PRKAG2: variants seen among roughly 807,000 people sequenced by gnomAD.
PRKAG2 encodes 5'-AMP-activated protein kinase subunit gamma-2.
In PRKAG2, 26 loss-of-function variants were observed where a neutral mutation model predicts 69.6. That is an observed-to-expected ratio of 0.37 (90% CI 0.27 to 0.52). PRKAG2 has a LOEUF of 0.52. Among genes scored for constraint, PRKAG2 ranks in the 20% least tolerant of loss-of-function variants. PRKAG2 has a pLI of 0.90. For synonymous variants in PRKAG2, 293 were observed against 285.0 expected, an observed-to-expected ratio of 1.03 and a Z score of -0.28; for missense variants, 557 against 740.0, an observed-to-expected ratio of 0.75 and a Z score of 2.87.
intron 1 of PRKAG2, among the ~76,000 whole-genome samples, chr7:151,857,171 G>A (rs2079802769): frequency 6.6e-6 from 1 of 150,996 alleles, no homozygotes; most frequent in South Asian, 2.1e-4. Flanking sequence ...TAAGGGATGG[G>A]CACAGAACGC....
intron 5 of PRKAG2, among the ~76,000 whole-genome samples, chr7:151,604,450 A>G (rs1816990344): frequency 6.6e-6 from 1 of 152,136 alleles, no homozygotes; most frequent in African/African-American, 2.4e-5. Context: ...CAGCCTGGGC[A>G]ACATAGTGAG....
In PRKAG2 at chr7:151,873,219, C is replaced by T. The variant is rs1375293775; in HGVS notation, c.114+3288G>A. Among the ~76,000 whole-genome samples, 4 of 152,204 alleles carry T rather than the reference C, an allele frequency of 2.6e-5. No homozygotes were observed. The South Asian group carries it at 6.2e-4, about 24-fold the overall frequency. On this transcript the variant is annotated intron_variant, in intron 1 of 15. Coordinates refer to ENST00000287878, the MANE Select transcript of PRKAG2 (RefSeq NM_016203.4). ...TCACCTGGAAGCAGCCATCCCCTCCCGCCCGATTCTGTGGGGTGCTCCCAC... is the reference window on the plus strand; with the variant it reads ...TCACCTGGAAGCAGCCATCCCCTCCTGCCCGATTCTGTGGGGTGCTCCCAC...
At chr7:151,761,230 T>A (rs2151757701) in intron 3 of PRKAG2, among the ~76,000 whole-genome samples, 1 of 152,218 alleles carries the variant, frequency 6.6e-6, no homozygotes, top group Admixed American at 6.5e-5. Context: ...TTCCCCAAAC[T>A]AAAACACCAT....
In PRKAG2 at chr7:151,835,446, G is replaced by A. The variant is rs1306538143; in HGVS notation, c.114+41061C>T. ...TTGGCTCAAGTGATCCTCCCACCTC[G>A]GCCCCACAAAGTGCTGGGATTACAG... On this transcript the variant is annotated intron_variant, in intron 1 of 15. Transcript: ENST00000287878. This position sits in a 1 kb window ranked among gnomAD's most constrained non-coding sequence, Gnocchi z 4.1. 6.6e-6 allele frequency among the ~76,000 whole-genome samples: 1 copy of A among 151,800 alleles called. No homozygotes were observed. The highest frequency in any genetic ancestry group is 2.4e-5 in the African/African-American group (1 of 41,332).
At chr7:151,664,911 T>C (rs77554791) in intron 4 of PRKAG2, among the ~76,000 whole-genome samples, 1,556 of 152,300 alleles carry the variant, frequency 0.01, 27 homozygotes, top group African/African-American at 0.036. Context: ...ATGCAGATTT[T>C]ATCTTGAGAA....
intron 4 of PRKAG2, among the ~76,000 whole-genome samples, chr7:151,650,204 G>A (rs1828252370): frequency 6.6e-6 from 1 of 151,878 alleles, no homozygotes; most frequent in African/African-American, 2.4e-5. Flanking sequence ...GACAGAGTGA[G>A]AGAGCCTGTC....
intron 7 of PRKAG2, among the ~76,000 whole-genome samples, chr7:151,575,576 A>C (rs568615978): frequency 9.0e-4 from 137 of 152,370 alleles, no homozygotes; most frequent in South Asian, 3.5e-3. Flanking sequence ...TGTAAGTTAC[A>C]CAACAGTTTT....
At chr7:151,673,148 C>T (rs1253308267) in intron 4 of PRKAG2, among the ~76,000 whole-genome samples, 2 of 152,144 alleles carry the variant, frequency 1.3e-5, no homozygotes, top group South Asian at 2.1e-4. Flanking sequence ...AAGCTGCTGC[C>T]GTCAAACATC....
Position 151,710,199 on chromosome 7 carries a change from G to C in PRKAG2, c.467-34562C>G, listed in dbSNP as rs564386290. Among the ~76,000 whole-genome samples, 21 of 152,224 alleles carry C rather than the reference G, an allele frequency of 1.4e-4. No homozygotes were observed. In the East Asian group the frequency reaches 4.1e-3, roughly 29 times the overall value. On this transcript the variant is annotated intron_variant, in intron 3 of 15. Coordinates refer to ENST00000287878, the MANE Select transcript of PRKAG2 (RefSeq NM_016203.4). ...CAGAGAGATGGCAGAGGCAGGTGGAGACTCAGGAGGCACCTCTCACTTCAG... is the reference window on the plus strand; with the variant it reads ...CAGAGAGATGGCAGAGGCAGGTGGACACTCAGGAGGCACCTCTCACTTCAG...
Position 151,796,437 on chromosome 7 carries a change from C to T in PRKAG2, c.115-9896G>A, listed in dbSNP as rs114179146. On this transcript the variant is annotated intron_variant, in intron 1 of 15. Transcript: ENST00000287878. ...ATGTCCTCCTTTGACTGTCAGGGAA[C>T]ATTCACAGTACGTGAAGGGCAATCA... Among the ~76,000 whole-genome samples the T allele has an allele frequency of 5.2e-3, 789 of 152,340 alleles. 9 individuals carry two copies. The highest frequency in any genetic ancestry group is 0.019 in the African/African-American group (770 of 41,564).
chr7:151,714,336 C>G (rs80344643), intron 3 of PRKAG2, among the ~76,000 whole-genome samples: 7,439 of 149,868 alleles, frequency 0.05, 619 homozygotes, highest in African/African-American at 0.17. Context: ...CCTCCCATCC[C>G]AGCCCTGCCA....
intron 1 of PRKAG2, among the ~76,000 whole-genome samples, chr7:151,829,015 G>C (rs148315451): frequency 6.6e-6 from 1 of 152,116 alleles, no homozygotes; most frequent in Non-Finnish European, 1.5e-5. Flanking sequence ...CGAAAGCATA[G>C]GTAACAAAAG....
intron 3 of PRKAG2, among the ~76,000 whole-genome samples, chr7:151,768,914 T>C (rs1354371371): frequency 1.3e-5 from 2 of 152,242 alleles, no homozygotes; most frequent in African/African-American, 4.8e-5. Flanking sequence ...TCATGATTCT[T>C]ACCCACTCCT....
At chr7:151,825,728 GAGCTGGACATTTGTTC>G (rs1260843103) in intron 1 of PRKAG2, among the ~76,000 whole-genome samples, 31 of 152,312 alleles carry the variant, frequency 2.0e-4, no homozygotes, top group African/African-American at 7.5e-4. Flanking sequence ...CCCATCCCCT[GAGCTGGACATTTGTTC>G]AGCAAGTCCT....
At chr7:151,690,142 T>G (rs1390949956) in intron 3 of PRKAG2, among the ~76,000 whole-genome samples, 3 of 152,130 alleles carry the variant, frequency 2.0e-5, no homozygotes, top group Non-Finnish European at 4.4e-5. Flanking sequence ...TTCAGGGCCA[T>G]GATAAAAAAT....
chr7:151,788,952 G>T lies in PRKAG2; in HGVS notation c.115-2411C>A, dbSNP rs2077143342. Among the ~76,000 whole-genome samples the T allele has an allele frequency of 1.3e-5, 2 of 152,124 alleles. No homozygotes were observed. The highest frequency in any genetic ancestry group is 2.4e-5 in the African/African-American group (1 of 41,426). On this transcript the variant is annotated intron_variant, in intron 1 of 15. Transcript: ENST00000287878. This position sits in a 1 kb window ranked among gnomAD's most constrained non-coding sequence, Gnocchi z 4.6. ...TTGGCATGACTGTGGAACGTCATTT[G>T]ACTTTATCTCTGAGAGTTTATTTCT... is the stretch of plus-strand genomic sequence containing the variant.
rs930171901 is a variant in PRKAG2 at position 151,793,924 on chromosome 7, G to C, written c.115-7383C>G. Among the ~76,000 whole-genome samples, 3 of 152,358 alleles carry C rather than the reference G, an allele frequency of 2.0e-5. No individual in the cohort carries two copies. In the East Asian group the frequency reaches 5.8e-4, roughly 29 times the overall value. The stretch of plus-strand genomic sequence containing the variant: ...AGGGCCAGTGGCCAAATCCGGGAAG[G>C]CCTAAGCTCCACTCTCAGAGAAGTT... On this transcript the variant is annotated intron_variant, in intron 1 of 15. Coordinates refer to ENST00000287878, the MANE Select transcript of PRKAG2 (RefSeq NM_016203.4).
At chr7:151,582,190 C>A (rs751211954) in intron 6 of PRKAG2, among the ~76,000 whole-genome samples, 15 of 152,138 alleles carry the variant, frequency 9.9e-5, no homozygotes, top group Non-Finnish European at 7.3e-5. Flanking sequence ...CGCTCTGTTG[C>A]CCAGGCTGGA....
chr7:151,773,017 G>T (rs1458560543), intron 3 of PRKAG2, among the ~76,000 whole-genome samples: 4 of 15,324 alleles, frequency 2.6e-4, no homozygotes, highest in African/African-American at 1.9e-3. Context: ...AAGAAAGAAA[G>T]AAAGAAAGAG....
Sources: gnomAD v4.1 joint callset for allele counts (sites outside exome capture counted in the v4.1 genomes callset) on GRCh38, gnomAD v4.1.1 for gene constraint, Gnocchi (gnomAD v3.1) non-coding constraint, MANE v1.5 for transcripts, NCBI Gene and HGNC (gene_info 2026-07-23, HGNC 2026-07-21) for gene names.